The following SPEN variants were observed in gnomAD, a reference collection of about 807,000 sequenced individuals.
The protein encoded by SPEN is spen family transcriptional repressor.
In SPEN, 18 loss-of-function variants were observed where a neutral mutation model predicts 269.9. The ratio of observed to expected loss-of-function variants is 0.07; its 90% CI spans 0.05 to 0.10. SPEN has a LOEUF of 0.10. Among genes scored for constraint, SPEN ranks in the 10% least tolerant of loss-of-function variants. The pLI is 1.00. For synonymous variants in SPEN, 1,726 were observed against 1,765.7 expected, an observed-to-expected ratio of 0.98 and a Z score of 0.56; for missense variants, 3,822 against 4,631.2, an observed-to-expected ratio of 0.83 and a Z score of 5.07.
At chr1:15,868,016 T>C (rs991901366) in intron 1 of SPEN, among the ~76,000 whole-genome samples, 1 of 151,932 alleles carries the variant, frequency 6.6e-6, no homozygotes, top group African/African-American at 2.4e-5. Flanking sequence ...GTGTATTTTG[T>C]AGAGTTGGGA....
chr1:15,932,552 G>A lies in SPEN; in HGVS notation c.6312G>A (p.Gly2104=), dbSNP rs761143178. 1.3e-6 allele frequency: 2 copies of A among 1,599,592 alleles called. No individual in the cohort carries two copies. The highest frequency in any genetic ancestry group is 1.7e-6 in the Non-Finnish European group (2 of 1,171,226). The change falls in exon 11 of 15, where the codon GGG becomes GGA. Residue 2104 remains glycine, a synonymous_variant. Coordinates refer to ENST00000375759, the MANE Select transcript of SPEN (RefSeq NM_015001.3). The surrounding 1 kb of genome is among the most constrained non-coding windows in gnomAD (Gnocchi z 4.2). ...KNVDAAVSPR[G]AAAQAGERES... is the part of the protein sequence containing the mutation. Reference sequence around the variant, plus strand: ...TGGATGCTGCTGTCAGTCCCAGGGGGGCTGCAGCACAGGCAGGGGAGAGGG... The same window carrying A: ...TGGATGCTGCTGTCAGTCCCAGGGGAGCTGCAGCACAGGCAGGGGAGAGGG...
intron 3 of SPEN, among the ~76,000 whole-genome samples, chr1:15,889,087 G>C (rs978967827): frequency 1.3e-5 from 2 of 151,542 alleles, no homozygotes; most frequent in Non-Finnish European, 2.9e-5. Flanking sequence ...GGAATCATGC[G>C]TGTCCAGAAA....
Position 15,934,995 on chromosome 1 carries a change from G to T in SPEN, c.8755G>T (p.Val2919Leu). ...LEKPEPIHLS[V>L]STPVTQGGTV... ...GAAGCCCGAGCCCATTCACCTCTCG[G>T]TGTCCACGCCTGTCACCCAGGGAGG... Residue 2919 changes from valine to leucine, a missense_variant, in exon 11 of 15, where the codon GTG becomes TTG. Around this residue, in one of 16 missense-constraint regions of SPEN, gnomAD observed 329 missense variants for 431.2 expected, o/e 0.76. Transcript: ENST00000375759. This position sits in a 1 kb window ranked among gnomAD's most constrained non-coding sequence, Gnocchi z 9.2. 6.2e-7 allele frequency: 1 copy of T among 1,613,934 alleles called. No individual in the cohort carries two copies. The highest frequency in any genetic ancestry group is 8.5e-7 in the Non-Finnish European group (1 of 1,179,986).
intron 10 of SPEN, among the ~76,000 whole-genome samples, chr1:15,925,976 C>T (rs1052586395): frequency 6.6e-5 from 10 of 152,258 alleles, no homozygotes; most frequent in Admixed American, 5.2e-4. Context: ...TGAGCTGCCT[C>T]GTCACTATTT....
At chr1:15,860,325 C>G (rs547769221) in intron 1 of SPEN, among the ~76,000 whole-genome samples, 42 of 151,956 alleles carry the variant, frequency 2.8e-4, no homozygotes, top group African/African-American at 9.9e-4. Flanking sequence ...CAGCCTCAAC[C>G]TCCCAGGCTC....
rs1228063557 is a variant in SPEN at position 15,928,360 on chromosome 1, A to G, written c.2120A>G (p.Glu707Gly). 1.2e-6 allele frequency: 2 copies of G among 1,614,180 alleles called. No homozygotes were observed. The highest frequency in any genetic ancestry group is 2.2e-5 in the East Asian group (1 of 44,878). ...CAAAGGGAACGAGAAAGAGAACGTGAAAGATTTGAGTCTGACCGGGACAGA... is the reference window on the plus strand; with the variant it reads ...CAAAGGGAACGAGAAAGAGAACGTGGAAGATTTGAGTCTGACCGGGACAGA... ...YRQRERERER[E>G]RFESDRDRDH... The change falls in exon 11 of 15, where the codon GAA becomes GGA. Residue 707 changes from glutamate to glycine, a missense_variant. This residue lies in a region of SPEN where 572 missense variants were observed against 582.6 expected (regional missense o/e 0.98). Transcript: ENST00000375759. This position sits in a 1 kb window ranked among gnomAD's most constrained non-coding sequence, Gnocchi z 5.7.
chr1:15,880,364 GT>G (rs566938229), intron 3 of SPEN, among the ~76,000 whole-genome samples: 1 of 147,960 alleles, frequency 6.8e-6, no homozygotes, highest in Non-Finnish European at 1.5e-5. Context: ...ATATTTACAT[GT>G]TGCTTTTAGT....
intron 3 of SPEN, among the ~76,000 whole-genome samples, chr1:15,898,182 T>C (rs1178049491): frequency 8.3e-6 from 1 of 121,212 alleles, no homozygotes; most frequent in East Asian, 3.2e-4. Flanking sequence ...TTTGTGTGTG[T>C]GTGTGTGTGT....
rs149328916 is a variant in SPEN, at chr1:15,936,220, C to T, written c.9980C>T (p.Ala3327Val). The T allele has an allele frequency of 2.2e-4, 338 of 1,564,430 alleles. No individual in the cohort carries two copies. The highest frequency in any genetic ancestry group is 3.4e-4 in the Middle Eastern group (2 of 5,880). Residue 3327 changes from alanine (A) to valine (V), a missense_variant, in exon 11 of 15, where the codon GCC (alanine) becomes GTC (valine). Physicochemically the swap from Ala to Val is moderately conservative, Grantham distance 64. This residue lies in a region of SPEN where 359 missense variants were observed against 377.3 expected (regional missense o/e 0.95). Transcript: ENST00000375759. ...PAQLTHTQFP[A>V]ASSVGLPSRT... Reference sequence around the variant, plus strand: ...CAGCTCACACACACTCAGTTTCCCGCCGCTTCCTCTGTTGGCCTGCCTTCC... The same window carrying T: ...CAGCTCACACACACTCAGTTTCCCGTCGCTTCCTCTGTTGGCCTGCCTTCC...
intron 3 of SPEN, among the ~76,000 whole-genome samples, chr1:15,884,945 A>C (rs1013816213): frequency 6.6e-6 from 1 of 152,036 alleles, no homozygotes; most frequent in Non-Finnish European, 1.5e-5. Flanking sequence ...CACCCAGGCT[A>C]GTTTCAAATT....
intron 3 of SPEN, among the ~76,000 whole-genome samples, chr1:15,890,764 T>C (rs2070780888): frequency 6.6e-6 from 1 of 152,058 alleles, no homozygotes; most frequent in Admixed American, 6.6e-5. Flanking sequence ...CTCATACCCG[T>C]TAGCAGTTGC....
In SPEN at chr1:15,938,703, T is replaced by A; in HGVS notation, c.10705-15T>A. 6.2e-7 allele frequency: 1 copy of A among 1,608,546 alleles called. No individual in the cohort carries two copies. The highest frequency in any genetic ancestry group is 8.5e-7 in the Non-Finnish European group (1 of 1,176,924). ...TAGGAGGCCCCTGCTCACTGGCAGCTGGCCTCTGCCTCAGGTGGAGACAGA... is the reference window on the plus strand; with the variant it reads ...TAGGAGGCCCCTGCTCACTGGCAGCAGGCCTCTGCCTCAGGTGGAGACAGA... On this transcript the variant is annotated splice_polypyrimidine_tract_variant and intron_variant, in intron 13 of 14. Coordinates refer to ENST00000375759, the MANE Select transcript of SPEN (RefSeq NM_015001.3).
chr1:15,873,237 T>A (rs2070599651), intron 2 of SPEN, 101 bp downstream of exon 2: 1 of 1,428,246 alleles, frequency 7.0e-7, no homozygotes, highest in Non-Finnish European at 9.2e-7. Context: ...GTTTTGGGCA[T>A]TCTCAATGTT....
chr1:15,927,194 T>G (rs1193481823), intron 10 of SPEN, among the ~76,000 whole-genome samples: 2 of 152,250 alleles, frequency 1.3e-5, no homozygotes, highest in Non-Finnish European at 2.9e-5. Flanking sequence ...GACAGGTCCC[T>G]GTGGGAGAAA....
At chr1:15,868,886 C>G (rs1301011266) in intron 1 of SPEN, among the ~76,000 whole-genome samples, 1 of 151,964 alleles carries the variant, frequency 6.6e-6, no homozygotes, top group Non-Finnish European at 1.5e-5. Flanking sequence ...TACTGTCTTA[C>G]TTGGTTATGT....
At position 15,936,194 on chromosome 1, in the gene SPEN, C is replaced by G. The variant is rs1040585414; in HGVS notation, c.9954C>G (p.Ala3318=). 6.3e-7 allele frequency: 1 copy of G among 1,590,068 alleles called. No homozygotes were observed. Among genetic ancestry groups the G allele is most frequent in the Non-Finnish European group, 8.6e-7 (1 of 1,163,564 alleles). ...YGDIRTYHPP[A]QLTHTQFPAA... is the part of the protein sequence containing the mutation. ...ACATCCGCACCTACCACCCCCCGGC[C>G]CAGCTCACACACACTCAGTTTCCCG... is the stretch of plus-strand genomic sequence containing the variant. Residue 3318 remains alanine, a synonymous_variant, in exon 11 of 15, where the codon GCC becomes GCG. Transcript: ENST00000375759.
intron 1 of SPEN, among the ~76,000 whole-genome samples, chr1:15,865,899 A>G (rs10927870): frequency 0.89 from 133,409 of 149,146 alleles, 60,019 homozygotes; most frequent in African/African-American, 0.96. Flanking sequence ...TGGAGATGGA[A>G]TCTCACTCTT....
Position 15,858,126 on chromosome 1 carries a change from CAAAA to C in SPEN, c.83+9978_83+9981del, listed in dbSNP as rs531591578. Among the ~76,000 whole-genome samples the C allele has an allele frequency of 2.0e-3, 305 of 151,662 alleles. 2 individuals carry two copies. Among genetic ancestry groups the C allele is most frequent in the Non-Finnish European group, 2.9e-3 (200 of 67,918 alleles). ...CTGGTGACAGAGCAAGACTCCGTCTCAAAAAGAAAGAGAAACAAGGTCTCACTAT... is the reference window on the plus strand; with the variant it reads ...CTGGTGACAGAGCAAGACTCCGTCTCAGAAAGAGAAACAAGGTCTCACTAT... On this transcript the variant is annotated intron_variant, in intron 1 of 14. Transcript: ENST00000375759.
At chr1:15,874,534 C>T (rs182343231) in intron 2 of SPEN, 281 of 496,358 alleles carry the variant, frequency 5.7e-4, no homozygotes, top group Middle Eastern at 4.9e-3. Flanking sequence ...TCTGCTAGCT[C>T]TTGTGCCTGC....
Sources: allele counts gnomAD v4.1 joint callset (sites outside exome capture counted in the v4.1 genomes callset), GRCh38; gene constraint gnomAD v4.1.1; regional missense constraint gnomAD v4.1.1; non-coding constraint Gnocchi (gnomAD v3.1); transcripts MANE v1.5; gene names NCBI Gene and HGNC (gene_info 2026-07-23, HGNC 2026-07-21).